Variants in SERINC5 observed in about 807,000 individuals in gnomAD.
SERINC5 encodes the protein chromosome 5 open reading frame 12.
SERINC5 carries 41 observed loss-of-function variants against 63.1 expected under a neutral mutation model. The ratio of observed to expected loss-of-function variants is 0.65; its 90% CI spans 0.51 to 0.84. The LOEUF (loss-of-function observed/expected upper bound fraction) is 0.84, where lower values mean the gene tolerates loss of function less well. SERINC5 is among the 40% of genes least tolerant of loss of function. The pLI, the probability that SERINC5 is intolerant of heterozygous loss-of-function variation, is 0.00. For missense variants in SERINC5, 523 were observed against 573.0 expected, an observed-to-expected ratio of 0.91 and a Z score of 0.89; for synonymous variants, 222 against 215.2, an observed-to-expected ratio of 1.03 and a Z score of -0.28.
chr5:80,115,600 G>A (rs761252250), intron 11 of SERINC5, among the ~76,000 whole-genome samples: 6 of 151,956 alleles, frequency 3.9e-5, no homozygotes, highest in Non-Finnish European at 7.4e-5. Context: ...CAAATAGCAG[G>A]TATTCTTAAC....
intron 1 of SERINC5, among the ~76,000 whole-genome samples, chr5:80,218,861 A>G (rs1469150791): frequency 6.6e-6 from 1 of 151,992 alleles, no homozygotes. Context: ...TCACTGCTCA[A>G]AAGAACACCT....
downstream of SERINC5, among the ~76,000 whole-genome samples, chr5:80,135,342 C>T (rs1025139404): frequency 2.0e-5 from 3 of 152,104 alleles, no homozygotes; most frequent in Admixed American, 6.6e-5. Context: ...CCCAATCACG[C>T]TTTTTCAAAT....
At chr5:80,146,030 T>A (rs1745799981) in intron 11 of SERINC5, 60 bp downstream of exon 11, 2 of 1,571,986 alleles carry the variant, frequency 1.3e-6, no homozygotes, top group Non-Finnish European at 1.8e-6. Flanking sequence ...ACACGAACAG[T>A]ACTTAACTCT....
At chr5:80,151,350 A>G (rs115203624) in intron 8 of SERINC5, among the ~76,000 whole-genome samples, 3,315 of 152,342 alleles carry the variant, frequency 0.022, 123 homozygotes, top group African/African-American at 0.075. Flanking sequence ...ACAGAAAGCA[A>G]GGGCATGAAA....
Position 80,153,702 on chromosome 5 carries a change from A to T in SERINC5, c.987-2754T>A, listed in dbSNP as rs115246174. 6.3e-3 allele frequency among the ~76,000 whole-genome samples: 964 copies of T among 152,120 alleles called. 6 individuals are homozygous for T. The highest frequency in any genetic ancestry group is 0.02 in the African/African-American group (827 of 41,490). ...TTGGGTTAAGACAATGCTTTATTGT[A>T]CGGAGAATGCCTAACACACCACAGC... On this transcript the variant is annotated intron_variant, in intron 8 of 11. Transcript: ENST00000507668.
At chr5:80,152,360 G>A (rs1435312067) in intron 8 of SERINC5, among the ~76,000 whole-genome samples, 2 of 152,024 alleles carry the variant, frequency 1.3e-5, no homozygotes, top group African/African-American at 4.8e-5. Context: ...AATTAGCCAG[G>A]TGTGGTGGCA....
chr5:80,116,416 T>G, intron 11 of SERINC5: 1 of 438,462 alleles, frequency 2.3e-6, no homozygotes, highest in Non-Finnish European at 4.5e-6. Flanking sequence ...CAGATCACTA[T>G]GAACCTTATC....
intron 5 of SERINC5, among the ~76,000 whole-genome samples, chr5:80,172,059 T>A (rs1016600328): frequency 6.6e-6 from 1 of 152,152 alleles, no homozygotes; most frequent in East Asian, 1.9e-4. Context: ...AATTAGGGCA[T>A]GGTGGCTCAT....
chr5:80,185,291 T>A (rs114289044), intron 2 of SERINC5, among the ~76,000 whole-genome samples: 2,856 of 152,200 alleles, frequency 0.019, 97 homozygotes, highest in African/African-American at 0.065. Context: ...AAGACTTCCA[T>A]TCCTAACTCC....
At chr5:80,191,961 T>A (rs764580195) in intron 2 of SERINC5, among the ~76,000 whole-genome samples, 5 of 152,174 alleles carry the variant, frequency 3.3e-5, no homozygotes, top group African/African-American at 4.8e-5. Context: ...ATGGAGGGTC[T>A]AACACAGGAG....
chr5:80,175,104 A>C (rs1747946505), intron 4 of SERINC5, 57 bp from the exon 5 acceptor site: 1 of 1,237,330 alleles, frequency 8.1e-7, no homozygotes, highest in Non-Finnish European at 1.1e-6. Flanking sequence ...TTTGCTCAAA[A>C]GAGAATAACC....
At chr5:80,216,655 G>A (rs948579707) in intron 1 of SERINC5, among the ~76,000 whole-genome samples, 3 of 152,250 alleles carry the variant, frequency 2.0e-5, no homozygotes, top group African/African-American at 4.8e-5. Context: ...AACTCAAAAC[G>A]GAGAAGTGTA....
Position 80,255,903 on chromosome 5 carries a change from G to A in SERINC5, c.20C>T (p.Ala7Val), listed in dbSNP as rs868415074. The change falls in exon 1 of 12, where the codon GCG (alanine) becomes GTG (valine). Residue 7 changes from alanine (A) to valine (V), a missense_variant. Transcript: ENST00000507668. MSAQCCAGQLACCCGSA... is the reference protein window; with the variant it reads MSAQCCVGQLACCCGSA... Reference sequence around the variant, plus strand: ...GCGCCCGGCCTCGCTCACCTGGCCCGCACAGCACTGAGCTGACATCGCGGC... The same window carrying A: ...GCGCCCGGCCTCGCTCACCTGGCCCACACAGCACTGAGCTGACATCGCGGC... 3.2e-6 allele frequency: 5 copies of A among 1,585,050 alleles called. No individual in the cohort carries two copies. Among genetic ancestry groups the A allele is most frequent in the African/African-American group, 1.4e-5 (1 of 72,250 alleles).
At chr5:80,221,268 C>A (rs548003379) in intron 1 of SERINC5, among the ~76,000 whole-genome samples, 1 of 152,328 alleles carries the variant, frequency 6.6e-6, no homozygotes, top group East Asian at 1.9e-4. Flanking sequence ...GCACATTTAA[C>A]AATCCTGCGC....
intron 2 of SERINC5, among the ~76,000 whole-genome samples, chr5:80,183,441 CAGG>C (rs1390974668): frequency 2.0e-5 from 3 of 152,078 alleles, no homozygotes; most frequent in Non-Finnish European, 2.9e-5. Flanking sequence ...GGGCTGGATA[CAGG>C]AAGTGTCAGG....
chr5:80,192,529 T>A (rs1041882317), intron 2 of SERINC5, among the ~76,000 whole-genome samples: 1 of 152,036 alleles, frequency 6.6e-6, no homozygotes. Context: ...AGAGAATGTG[T>A]CTATGAGCTT....
chr5:80,177,172 G>A (rs1748088395), intron 4 of SERINC5, 143 bp downstream of exon 4: 1 of 606,494 alleles, frequency 1.6e-6, no homozygotes, highest in Non-Finnish European at 3.0e-6. Flanking sequence ...AAAAGTATGG[G>A]CAGGTAAGTC....
intron 2 of SERINC5, among the ~76,000 whole-genome samples, chr5:80,195,471 G>A (rs1295817828): frequency 1.3e-5 from 2 of 152,022 alleles, no homozygotes; most frequent in East Asian, 1.9e-4. Context: ...CTCTTCTCAA[G>A]GCAGAACACT....
At chr5:80,153,278 T>C (rs1580072095) in intron 8 of SERINC5, among the ~76,000 whole-genome samples, 1 of 151,996 alleles carries the variant, frequency 6.6e-6, no homozygotes, top group East Asian at 1.9e-4. Flanking sequence ...GCCAACATGG[T>C]GAGACCCTGT....
Sources: allele counts gnomAD v4.1 joint callset (sites outside exome capture counted in the v4.1 genomes callset), GRCh38; gene constraint gnomAD v4.1.1; transcripts MANE v1.5; gene names NCBI Gene and HGNC (gene_info 2026-07-23, HGNC 2026-07-21).